ANKEF1: variants seen among roughly 807,000 people sequenced by gnomAD.
ANKEF1 encodes ankyrin repeat and EF-hand domain containing 1.
A neutral mutation model predicts 65.1 loss-of-function variants in ANKEF1; 43 were observed. The ratio of observed to expected loss-of-function variants is 0.66; its 90% CI spans 0.52 to 0.85. ANKEF1 has a LOEUF of 0.85. Among genes scored for constraint, ANKEF1 ranks in the 40% least tolerant of loss-of-function variants. The pLI is 0.00. For synonymous variants in ANKEF1, 316 were observed against 341.5 expected, an observed-to-expected ratio of 0.93 and a Z score of 0.82; for missense variants, 934 against 952.9, an observed-to-expected ratio of 0.98 and a Z score of 0.26.
Position 10,049,839 on chromosome 20 carries a change from GGAAA to G in ANKEF1, c.1276_1279del (p.Lys426GlyfsTer29). 1 of 1,614,184 alleles carries G rather than the reference GGAAA, an allele frequency of 6.2e-7. No homozygotes were observed. On this transcript the variant is annotated frameshift_variant, in exon 7 of 11. Coordinates refer to ENST00000378392, the MANE Select transcript of ANKEF1 (RefSeq NM_022096.6). LOFTEE classifies it high-confidence loss of function. ...AAAGGAAAAAGGGATGGGCAAAAAA[GGAAA>G]GAAAGGGAAATTTGTCTTACCCCTT... is the stretch of plus-strand genomic sequence containing the variant.
chr20:10,051,682 G>A lies in ANKEF1; in HGVS notation c.1663G>A (p.Asp555Asn), dbSNP rs1350910159. The stretch of plus-strand genomic sequence containing the variant: ...TTACAGAGCTAACGTTAATGCAACA[G>A]ATAACTTTCTGTGGACTCCACTTCA... The part of the protein sequence containing the change: ...LEKGANVNAT[D>N]NFLWTPLHFA... Residue 555 changes from aspartate to asparagine, a missense_variant, in exon 8 of 11, where the codon GAT becomes AAT. Transcript: ENST00000378392. 1.2e-6 allele frequency: 2 copies of A among 1,613,434 alleles called. No homozygotes were observed. The highest frequency in any genetic ancestry group is 1.1e-5 in the South Asian group (1 of 91,014).
rs1430631318 is a variant in ANKEF1 at position 10,056,488 on chromosome 20, TA to T, written c.*829del. The T allele has an allele frequency of 1.7e-5, 2 of 119,208 alleles. No individual in the cohort carries two copies. Among genetic ancestry groups the T allele is most frequent in the African/African-American group, 6.6e-5 (2 of 30,460 alleles). The allele number at this position is 119,208 out of a possible 1,614,324, so 7.4% of individuals were successfully genotyped here. A position where few individuals can be genotyped will look rare whatever the true frequency, so the allele number is the denominator to read the frequency against. On this transcript the variant is annotated 3_prime_UTR_variant, in exon 11 of 11. Coordinates refer to ENST00000378392, the MANE Select transcript of ANKEF1 (RefSeq NM_022096.6). Reference sequence around the variant, plus strand: ...GATAGATAGATAGATGATAGATAGATAGATAGATGATAGATAGATAGATAGA... The same window carrying T: ...GATAGATAGATAGATGATAGATAGATGATAGATGATAGATAGATAGATAGA...
chr20:10,055,663 C>A lies in ANKEF1; in HGVS notation c.*3C>A. The A allele has an allele frequency of 1.2e-6, 2 of 1,613,556 alleles. No individual in the cohort carries two copies. Among genetic ancestry groups the A allele is most frequent in the Non-Finnish European group, 1.7e-6 (2 of 1,179,670 alleles). On this transcript the variant is annotated 3_prime_UTR_variant, in exon 11 of 11. Transcript: ENST00000378392. ...TGGAAGCTGCCTTGAAGACCTAAGT[C>A]ATAGCAGTTATTTCTTGGGGTAAAT...
At chr20:10,035,511 A>C (rs566782038) in intron 1 of ANKEF1, 68 bp from the exon 2 acceptor site, 7 of 152,394 alleles carry the variant, frequency 4.6e-5, no homozygotes, top group Admixed American at 2.6e-4. Flanking sequence ...TGTATTCATA[A>C]GGAGCCTATA....
chr20:10,048,403 T>C (rs940322165), intron 6 of ANKEF1, among the ~76,000 whole-genome samples: 1 of 152,200 alleles, frequency 6.6e-6, no homozygotes, highest in Non-Finnish European at 1.5e-5. Flanking sequence ...ATTTATTCTT[T>C]GTGTTACAAA....
Position 10,043,335 on chromosome 20 carries a change from T to G in ANKEF1, c.546+14T>G. The G allele has an allele frequency of 1.9e-6, 3 of 1,610,246 alleles. No homozygotes were observed. The highest frequency in any genetic ancestry group is 2.5e-6 in the Non-Finnish European group (3 of 1,177,252). On this transcript the variant is annotated intron_variant, in intron 4 of 10. Transcript: ENST00000378392. ...GCAATCAACTCAGTATGGCTATTCT[T>G]GTGATTACAAATATTTCTTGTTTCA...
At chr20:10,044,649 TG>T (rs1984405114) in intron 5 of ANKEF1, 106 bp downstream of exon 5, 2 of 1,053,682 alleles carry the variant, frequency 1.9e-6, no homozygotes, top group African/African-American at 3.2e-5. Context: ...GACATTTTTC[TG>T]AGTTACCTAT....
chr20:10,054,597 AG>A lies in ANKEF1; in HGVS notation c.2172+1del. The A allele has an allele frequency of 1.2e-6, 2 of 1,604,940 alleles. No homozygotes were observed. The highest frequency in any genetic ancestry group is 1.7e-6 in the Non-Finnish European group (2 of 1,177,150). ...AGTGGATATCACATTTATTCCACGGAGGGTAAGTGCTTCGAAAAGATCTTCA... is the reference window on the plus strand; with the variant it reads ...AGTGGATATCACATTTATTCCACGGAGGTAAGTGCTTCGAAAAGATCTTCA... ...KKVDITFIPR[R>X]IWSPEATTAE... On this transcript the variant is annotated frameshift_variant and splice_region_variant, in exon 10 of 11. Transcript: ENST00000378392. LOFTEE classifies it high-confidence loss of function.
intron 2 of ANKEF1, among the ~76,000 whole-genome samples, chr20:10,035,979 T>C (rs760506880): frequency 6.6e-6 from 1 of 152,230 alleles, no homozygotes; most frequent in Non-Finnish European, 1.5e-5. Context: ...TGGGGAAAAG[T>C]ACAGGTGTGC....
Position 10,038,269 on chromosome 20 carries a change from G to T in ANKEF1, c.-33G>T, listed in dbSNP as rs920510962. Reference sequence around the variant, plus strand: ...TTTTGTTGCTTCAGCTTTAGTTTTGGTCCAGAAAGCATTTTCAAGGAGCTG... The same window carrying T: ...TTTTGTTGCTTCAGCTTTAGTTTTGTTCCAGAAAGCATTTTCAAGGAGCTG... On this transcript the variant is annotated 5_prime_UTR_variant, in exon 3 of 11. Transcript: ENST00000378392. 3 of 1,371,898 alleles carry T rather than the reference G, an allele frequency of 2.2e-6. No individual in the cohort carries two copies. The highest frequency in any genetic ancestry group is 1.4e-5 in the African/African-American group (1 of 68,974). 85.0% of individuals were successfully genotyped at this position (1,371,898 alleles called of 1,614,324 possible).
chr20:10,047,878 A>G (rs1244595981), intron 6 of ANKEF1, among the ~76,000 whole-genome samples: 1 of 152,208 alleles, frequency 6.6e-6, no homozygotes, highest in East Asian at 1.9e-4. Flanking sequence ...TTTTATACAC[A>G]TGGAAGTTTC....
Position 10,051,761 on chromosome 20 carries a change from G to A in ANKEF1, c.1742G>A (p.Gly581Glu). The A allele has an allele frequency of 3.7e-6, 6 of 1,613,744 alleles. No individual in the cohort carries two copies. The highest frequency in any genetic ancestry group is 1.1e-5 in the South Asian group (1 of 91,060). The change falls in exon 8 of 11, where the codon GGA (glycine) becomes GAA (glutamate). Residue 581 changes from glycine to glutamate, a missense_variant. Physicochemically the swap from Gly to Glu is moderately conservative, Grantham distance 98. Coordinates refer to ENST00000378392, the MANE Select transcript of ANKEF1 (RefSeq NM_022096.6). ...ATTGTTGAGCTTCTTGTTGAATCTG[G>A]AGCTTTAATAGATGCAGCTTCAATC... ...QDIVELLVES[G>E]ALIDAASINN... is the part of the protein sequence containing the mutation.
intron 3 of ANKEF1, among the ~76,000 whole-genome samples, chr20:10,041,321 G>T (rs1984177939): frequency 6.6e-6 from 1 of 150,890 alleles, no homozygotes; most frequent in African/African-American, 2.4e-5. Context: ...TTATTTTAAT[G>T]GTTAACTTGA....
rs531156025 is a variant in ANKEF1, at chr20:10,041,582, T to G, written c.347-1540T>G. ...ACTTTATTTCCTTACCTGCTTTACATAATATCTCAGTCTTAGCCCTAAAAG... is the reference window on the plus strand; with the variant it reads ...ACTTTATTTCCTTACCTGCTTTACAGAATATCTCAGTCTTAGCCCTAAAAG... On this transcript the variant is annotated intron_variant, in intron 3 of 10. Transcript: ENST00000378392. 6.2e-4 allele frequency among the ~76,000 whole-genome samples: 94 copies of G among 152,308 alleles called. No homozygotes were observed. In the South Asian group the frequency reaches 7.7e-3, roughly 12 times the overall value.
intron 6 of ANKEF1, 94 bp from the exon 7 acceptor site, chr20:10,049,296 T>C: frequency 8.3e-7 from 1 of 1,201,192 alleles, no homozygotes; most frequent in Non-Finnish European, 1.2e-6. Flanking sequence ...TTTTTACTAA[T>C]CACGAGAAAT....
At position 10,053,148 on chromosome 20, in the gene ANKEF1, A is replaced by G. The variant is rs1488925928; in HGVS notation, c.1907A>G (p.Asp636Gly). Residue 636 changes from aspartate to glycine, a missense_variant, in exon 9 of 11, where the codon GAT becomes GGT. Physicochemically the swap from Asp to Gly is moderately conservative, Grantham distance 94. Transcript: ENST00000378392. ...ATGGACGTTGCAAAGGCATATGCTG[A>G]TTATAGAATAATTGATCTGATTAAA... ...SAMDVAKAYA[D>G]YRIIDLIKEK... 2.5e-6 allele frequency: 4 copies of G among 1,609,626 alleles called. No homozygotes were observed. Among genetic ancestry groups the G allele is most frequent in the African/African-American group, 2.7e-5 (2 of 74,652 alleles).
intron 4 of ANKEF1, 140 bp from the exon 5 acceptor site, chr20:10,044,254 T>C (rs1284994756): frequency 3.5e-5 from 33 of 931,530 alleles, no homozygotes; most frequent in Non-Finnish European, 4.8e-5. Flanking sequence ...CTTTGTTACA[T>C]GAAGCTAAGA....
At chr20:10,042,565 C>T (rs1277538569) in intron 3 of ANKEF1, among the ~76,000 whole-genome samples, 3 of 152,158 alleles carry the variant, frequency 2.0e-5, no homozygotes, top group Non-Finnish European at 4.4e-5. Context: ...AGGGATTTAG[C>T]ATGTTCCTTT....
At chr20:10,037,553 G>A (rs1000206449) in intron 2 of ANKEF1, among the ~76,000 whole-genome samples, 3 of 152,140 alleles carry the variant, frequency 2.0e-5, no homozygotes, top group Admixed American at 6.5e-5. Flanking sequence ...CCATCCAAAC[G>A]ACCCGGATAG....
Sources: allele counts gnomAD v4.1 joint callset (sites outside exome capture counted in the v4.1 genomes callset), GRCh38; gene constraint gnomAD v4.1.1; transcripts MANE v1.5; gene names NCBI Gene and HGNC (gene_info 2026-07-23, HGNC 2026-07-21).